SUGCT: variants seen among roughly 807,000 people sequenced by gnomAD.
SUGCT encodes succinyl-CoA:glutarate-CoA transferase.
SUGCT carries 41 observed loss-of-function variants against 55.0 expected under a neutral mutation model. The observed-to-expected ratio is 0.74, with a 90% CI of 0.58 to 0.97. The LOEUF (loss-of-function observed/expected upper bound fraction) is 0.97, where lower values mean the gene tolerates loss of function less well. SUGCT is among the 50% of genes least tolerant of loss of function. The probability of loss-of-function intolerance (pLI) is 0.00; values close to 1 mark genes in which losing one functional copy is unlikely to be tolerated. For synonymous variants in SUGCT, 187 were observed against 200.4 expected (o/e 0.93, Z 0.56); for missense variants, 568 against 547.8 (o/e 1.04, Z -0.37).
chr7:40,182,354 G>A lies in SUGCT; in HGVS notation c.226+326G>A, dbSNP rs764799260. 5.7e-4 allele frequency among the ~76,000 whole-genome samples: 86 copies of A among 152,008 alleles called. 1 individual carries two copies. Among genetic ancestry groups the A allele is most frequent in the Non-Finnish European group, 5.6e-4 (38 of 68,008 alleles). ...GGCCAAGGAGGGCAGATCACTTGAG[G>A]TCAGGACTTCGAGACCAGCCTGGCC... On this transcript the variant is annotated intron_variant, in intron 3 of 13. Transcript: ENST00000335693.
intron 6 of SUGCT, among the ~76,000 whole-genome samples, chr7:40,209,904 C>T (rs1787236359): frequency 6.6e-6 from 1 of 152,034 alleles, no homozygotes; most frequent in African/African-American, 2.4e-5. Context: ...GCACATTTCC[C>T]CTACATAGTT....
intron 3 of SUGCT, among the ~76,000 whole-genome samples, chr7:40,186,927 A>T (rs908692967): frequency 6.6e-6 from 1 of 152,210 alleles, no homozygotes; most frequent in African/African-American, 2.4e-5. Context: ...ATTTTTAAAG[A>T]TTTCCAGATT....
At chr7:40,993,284 A>T in the SUGCT span, among the ~76,000 whole-genome samples, 3 of 152,072 alleles carry the variant, frequency 2.0e-5, no homozygotes, top group South Asian at 6.2e-4. Flanking sequence ...GCAATCCTAG[A>T]TGTGTTCAGT....
At position 40,259,576 on chromosome 7, in the gene SUGCT, T is replaced by G. The variant is rs151146895; in HGVS notation, c.577-14937T>G. ...TGTTGTACACAGTACATATATACAATAAAAGAAGAAATACATGGTTGTAAA... is the reference window on the plus strand; with the variant it reads ...TGTTGTACACAGTACATATATACAAGAAAAGAAGAAATACATGGTTGTAAA... On this transcript the variant is annotated intron_variant, in intron 7 of 13. Coordinates refer to ENST00000335693, the MANE Select transcript of SUGCT (RefSeq NM_001193313.2). 1.3e-4 allele frequency among the ~76,000 whole-genome samples: 20 copies of G among 152,274 alleles called. No individual in the cohort carries two copies. The East Asian group carries it at 2.7e-3, about 21-fold the overall frequency.
chr7:40,137,453 A>G (rs1787756962), intron 1 of SUGCT, among the ~76,000 whole-genome samples: 2 of 152,132 alleles, frequency 1.3e-5, no homozygotes, highest in Admixed American at 1.3e-4. Context: ...ATTTAATAGT[A>G]AACAGTTTAA....
chr7:40,931,057 T>A, the SUGCT span, among the ~76,000 whole-genome samples: 71 of 152,154 alleles, frequency 4.7e-4, no homozygotes, highest in Non-Finnish European at 6.9e-4. Flanking sequence ...TGGCTGTGGG[T>A]TTGTCATAAA....
At chr7:40,754,154 T>C (rs2128715671) in intron 13 of SUGCT, among the ~76,000 whole-genome samples, 1 of 152,302 alleles carries the variant, frequency 6.6e-6, no homozygotes, top group African/African-American at 2.4e-5. Context: ...TTCATTAAAG[T>C]ACTCCCTCAT....
At chr7:40,923,473 T>TTA in the SUGCT span, among the ~76,000 whole-genome samples, 1 of 152,190 alleles carries the variant, frequency 6.6e-6, no homozygotes, top group South Asian at 2.1e-4. Context: ...CACAAAGCTC[T>TTA]TAGGTAGAGA....
chr7:41,035,668 G>A, the SUGCT span, among the ~76,000 whole-genome samples: 20 of 152,304 alleles, frequency 1.3e-4, no homozygotes, highest in African/African-American at 4.1e-4. Context: ...GGATTTTAAA[G>A]TTTGAAGCTA....
At chr7:40,954,253 G>T in the SUGCT span, among the ~76,000 whole-genome samples, 2,849 of 152,350 alleles carry the variant, frequency 0.019, 94 homozygotes, top group South Asian at 0.11. Flanking sequence ...CTCTGAGCCA[G>T]GCGTGGGATA....
At chr7:40,612,104 T>G (rs1056572937) in intron 12 of SUGCT, among the ~76,000 whole-genome samples, 19 of 152,180 alleles carry the variant, frequency 1.2e-4, no homozygotes, top group African/African-American at 4.3e-4. Flanking sequence ...TATTTCTATG[T>G]TCATGATGTC....
the SUGCT span, among the ~76,000 whole-genome samples, chr7:41,005,513 G>A: frequency 6.6e-6 from 1 of 152,160 alleles, no homozygotes; most frequent in Non-Finnish European, 1.5e-5. Flanking sequence ...AGCTCCAGCT[G>A]TTCCAAAAGC....
At chr7:40,983,811 A>T in the SUGCT span, among the ~76,000 whole-genome samples, 3 of 152,208 alleles carry the variant, frequency 2.0e-5, no homozygotes, top group African/African-American at 7.2e-5. Flanking sequence ...CAAGGATTAG[A>T]TTGGAAATGA....
chr7:40,151,255 CAAAAT>C (rs1349154767), intron 1 of SUGCT, among the ~76,000 whole-genome samples: 1 of 152,078 alleles, frequency 6.6e-6, no homozygotes, highest in Non-Finnish European at 1.5e-5. Flanking sequence ...CAAAACAAAA[CAAAAT>C]AAAGAAACAA....
intron 1 of SUGCT, among the ~76,000 whole-genome samples, chr7:40,175,486 C>T (rs1210743203): frequency 6.6e-6 from 1 of 152,204 alleles, no homozygotes; most frequent in Non-Finnish European, 1.5e-5. Context: ...TCCCAAAGTG[C>T]TGGGATTACA....
rs144909428 is a variant in SUGCT at position 40,729,191 on chromosome 7, C to T, written c.1090-20243C>T. 6.5e-4 allele frequency among the ~76,000 whole-genome samples: 99 copies of T among 152,264 alleles called. 1 individual carries two copies. The highest frequency in any genetic ancestry group is 2.3e-3 in the African/African-American group (96 of 41,556). On this transcript the variant is annotated intron_variant, in intron 12 of 13. Coordinates refer to ENST00000335693, the MANE Select transcript of SUGCT (RefSeq NM_001193313.2). ...AAACCAAATTTATTAGTGCTTGCTG[C>T]GTGCCAAGTAGTGGATAAGTACTCC...
the SUGCT span, among the ~76,000 whole-genome samples, chr7:40,925,434 C>A: frequency 6.6e-6 from 1 of 152,154 alleles, no homozygotes; most frequent in Non-Finnish European, 1.5e-5. Flanking sequence ...CCTCAGTTGT[C>A]CACATGTATA....
intron 9 of SUGCT, among the ~76,000 whole-genome samples, chr7:40,391,687 G>C (rs1376446143): frequency 6.6e-6 from 1 of 152,158 alleles, no homozygotes; most frequent in African/African-American, 2.4e-5. Context: ...CTGTTGGTGG[G>C]ACTGTAAACT....
chr7:40,635,321 AAC>A (rs1316124663), intron 12 of SUGCT, among the ~76,000 whole-genome samples: 1 of 152,078 alleles, frequency 6.6e-6, no homozygotes, highest in East Asian at 1.9e-4. Flanking sequence ...AACAAAAAAA[AAC>A]ACATAGGGAT....
Sources: gnomAD v4.1 joint callset for allele counts (sites outside exome capture counted in the v4.1 genomes callset) on GRCh38, gnomAD v4.1.1 for gene constraint, MANE v1.5 for transcripts, NCBI Gene and HGNC (gene_info 2026-07-23, HGNC 2026-07-21) for gene names.